Variants in GPC6 observed in about 807,000 individuals in gnomAD.
GPC6 encodes glypican-6.
In GPC6, 14 loss-of-function variants were observed where a neutral mutation model predicts 55.2. The ratio of observed to expected loss-of-function variants is 0.25; its 90% confidence interval spans 0.17 to 0.40. GPC6 has a LOEUF of 0.40. Among genes scored for constraint, GPC6 ranks in the 10% least tolerant of loss-of-function variants. The pLI is 1.00. For missense variants in GPC6, 641 were observed against 708.5 expected (o/e 0.90, Z 1.08); for synonymous variants, 278 against 259.6 (o/e 1.07, Z -0.68).
intron 4 of GPC6, among the ~76,000 whole-genome samples, chr13:94,144,627 G>A (rs747013131): frequency 2.0e-5 from 3 of 151,462 alleles, no homozygotes; most frequent in Non-Finnish European, 2.9e-5. Context: ...TTTAACTAAA[G>A]GATATACTTT....
chr13:93,306,954 T>C (rs1878877474), intron 1 of GPC6, among the ~76,000 whole-genome samples: 2 of 152,184 alleles, frequency 1.3e-5, no homozygotes, highest in Admixed American at 1.3e-4. Flanking sequence ...CTAGTTTTTA[T>C]AATGGTGCTT....
At chr13:93,252,485 C>T (rs1017975274) in intron 1 of GPC6, among the ~76,000 whole-genome samples, 2 of 152,176 alleles carry the variant, frequency 1.3e-5, no homozygotes, top group Non-Finnish European at 2.9e-5. Context: ...AAGTAAAATC[C>T]AACCCTGTTG....
chr13:93,780,647 A>G (rs1885613901), intron 2 of GPC6, among the ~76,000 whole-genome samples: 1 of 151,744 alleles, frequency 6.6e-6, no homozygotes, highest in Non-Finnish European at 1.5e-5. Context: ...AAATTTTAAG[A>G]TGTAACTTCT....
chr13:93,387,575 C>T (rs1875457607), intron 1 of GPC6, among the ~76,000 whole-genome samples: 1 of 152,136 alleles, frequency 6.6e-6, no homozygotes, highest in African/African-American at 2.4e-5. Flanking sequence ...ATTCTCAATG[C>T]TTTGCCTCTA....
chr13:93,953,798 T>C (rs577404289), intron 3 of GPC6, among the ~76,000 whole-genome samples: 2 of 152,196 alleles, frequency 1.3e-5, no homozygotes, highest in African/African-American at 4.8e-5. Context: ...AGTGAAACTT[T>C]AGGTTGAGTC....
chr13:94,351,974 A>C (rs1281811561), intron 6 of GPC6, among the ~76,000 whole-genome samples: 14 of 150,136 alleles, frequency 9.3e-5, no homozygotes, highest in Non-Finnish European at 2.1e-4. Flanking sequence ...AAAAAAAAAA[A>C]AAAAAAAAGA....
chr13:93,866,624 A>C (rs943152493), intron 3 of GPC6, among the ~76,000 whole-genome samples: 2 of 151,762 alleles, frequency 1.3e-5, no homozygotes, highest in Non-Finnish European at 2.9e-5. Flanking sequence ...AGGAACAGAA[A>C]ACCAAATAGT....
At chr13:93,654,494 ATTTTTGTAT>A (rs1429817941) in intron 2 of GPC6, among the ~76,000 whole-genome samples, 1 of 151,896 alleles carries the variant, frequency 6.6e-6, no homozygotes, top group Non-Finnish European at 1.5e-5. Context: ...CACCCAGCTA[ATTTTTGTAT>A]TTTTAGTAGA....
intron 1 of GPC6, among the ~76,000 whole-genome samples, chr13:93,416,705 A>G (rs1345140047): frequency 6.6e-6 from 1 of 151,736 alleles, no homozygotes; most frequent in Non-Finnish European, 1.5e-5. Context: ...ACCCTCCACT[A>G]CCCTTCCCAG....
At chr13:94,211,143 G>A (rs1038885216) in intron 4 of GPC6, among the ~76,000 whole-genome samples, 1 of 152,020 alleles carries the variant, frequency 6.6e-6, no homozygotes, top group Non-Finnish European at 1.5e-5. Context: ...CATGGGTTTG[G>A]GTTTTTGTTT....
intron 6 of GPC6, among the ~76,000 whole-genome samples, chr13:94,306,632 T>A (rs1347299850): frequency 6.6e-6 from 1 of 152,210 alleles, no homozygotes; most frequent in African/African-American, 2.4e-5. Flanking sequence ...TTGGAATCCT[T>A]AGAATTAGTC....
chr13:93,701,574 A>AT (rs1235186337), intron 2 of GPC6, among the ~76,000 whole-genome samples: 1 of 151,982 alleles, frequency 6.6e-6, no homozygotes, highest in Non-Finnish European at 1.5e-5. Flanking sequence ...GTGTCAATTA[A>AT]TTTTCACAAA....
intron 6 of GPC6, among the ~76,000 whole-genome samples, chr13:94,372,616 A>T (rs1418702093): frequency 2.0e-5 from 3 of 152,084 alleles, no homozygotes; most frequent in Non-Finnish European, 4.4e-5. Flanking sequence ...TCAAACTGCA[A>T]GGCGGCAGCG....
At chr13:94,142,862 C>T (rs935602218) in intron 4 of GPC6, among the ~76,000 whole-genome samples, 3 of 150,576 alleles carry the variant, frequency 2.0e-5, no homozygotes, top group Non-Finnish European at 4.4e-5. Context: ...CTGAGGCTCT[C>T]TCTGTCACCA....
At chr13:94,110,025 T>A (rs1307959196) in intron 4 of GPC6, among the ~76,000 whole-genome samples, 1 of 142,860 alleles carries the variant, frequency 7.0e-6, no homozygotes, top group Non-Finnish European at 1.5e-5. Flanking sequence ...TTATCTTGAG[T>A]GTCCCAGATA....
chr13:94,386,359 CAAA>C (rs35238644), intron 7 of GPC6, among the ~76,000 whole-genome samples: 1 of 118,456 alleles, frequency 8.4e-6, no homozygotes. Context: ...GACTCTGTCT[CAAA>C]AAAAAAAAAA....
intron 2 of GPC6, among the ~76,000 whole-genome samples, chr13:93,761,677 T>A (rs1420447870): frequency 1.3e-5 from 2 of 152,132 alleles, no homozygotes; most frequent in Non-Finnish European, 2.9e-5. Context: ...GCTAATTTTT[T>A]AAAATTATTG....
intron 7 of GPC6, among the ~76,000 whole-genome samples, chr13:94,391,591 C>T (rs999938298): frequency 1.3e-5 from 2 of 152,170 alleles, no homozygotes; most frequent in South Asian, 4.1e-4. Context: ...TAATTCTTAT[C>T]AAGAACTTTA....
chr13:93,525,576 C>G (rs1381932471), intron 1 of GPC6, among the ~76,000 whole-genome samples: 1 of 152,034 alleles, frequency 6.6e-6, no homozygotes, highest in Non-Finnish European at 1.5e-5. Context: ...ACAGGATAGA[C>G]TCTTCTGAGC....
Sources: allele counts gnomAD v4.1 joint callset (sites outside exome capture counted in the v4.1 genomes callset), GRCh38; gene constraint gnomAD v4.1.1; transcripts MANE v1.5; gene names NCBI Gene and HGNC (gene_info 2026-07-23, HGNC 2026-07-21).